Variants in DLGAP2 observed in about 807,000 individuals in gnomAD.
DLGAP2 encodes DLG associated protein 2.
DLGAP2 carries 26 observed loss-of-function variants against 100.3 expected under a neutral mutation model. The observed-to-expected ratio is 0.26, with a 90% confidence interval of 0.19 to 0.36. DLGAP2 has a LOEUF of 0.36. Ranked by LOEUF, DLGAP2 falls within the 10% of genes least tolerant of loss-of-function variation. DLGAP2 has a pLI of 1.00. For missense variants in DLGAP2, 1,858 were observed against 1,453.2 expected (o/e 1.28, Z -4.53); for synonymous variants, 886 against 630.1 (o/e 1.41, Z -6.08).
intron 2 of DLGAP2, among the ~76,000 whole-genome samples, chr8:980,439 A>G (rs1192356806): frequency 2.0e-5 from 3 of 152,238 alleles, no homozygotes; most frequent in East Asian, 3.9e-4. Flanking sequence ...GCATGTAATC[A>G]GCCACAATTG....
At chr8:1,216,945 T>G (rs28556612) in intron 2 of DLGAP2, among the ~76,000 whole-genome samples, 49,589 of 151,918 alleles carry the variant, frequency 0.33, 8,438 homozygotes, top group South Asian at 0.53. Flanking sequence ...AAGGATGATG[T>G]TGCTGCTTGG....
intron 3 of DLGAP2, among the ~76,000 whole-genome samples, chr8:1,473,328 C>T (rs151146428): frequency 0.011 from 1,640 of 152,284 alleles, 37 homozygotes; most frequent in South Asian, 0.081. Flanking sequence ...AAGGTTCCTC[C>T]GCCCAGCAGA....
chr8:1,345,065 G>GA (rs1193225155), intron 3 of DLGAP2, among the ~76,000 whole-genome samples: 1 of 152,180 alleles, frequency 6.6e-6, no homozygotes, highest in Non-Finnish European at 1.5e-5. Flanking sequence ...TCAGTTATCT[G>GA]GCCCTTTGCA....
chr8:927,005 C>T (rs961839581), intron 2 of DLGAP2: 135 of 984,996 alleles, frequency 1.4e-4, no homozygotes, highest in Admixed American at 1.2e-3. Context: ...GAGGACCCCC[C>T]GCCGAGAAAG....
At chr8:1,408,858 C>A (rs1796648860) in intron 3 of DLGAP2, among the ~76,000 whole-genome samples, 1 of 152,136 alleles carries the variant, frequency 6.6e-6, no homozygotes, top group Non-Finnish European at 1.5e-5. Context: ...GTGCGCAGGG[C>A]ACAGAGAAGA....
At chr8:1,074,614 G>T (rs563050923) in intron 2 of DLGAP2, among the ~76,000 whole-genome samples, 3 of 152,190 alleles carry the variant, frequency 2.0e-5, no homozygotes, top group Non-Finnish European at 4.4e-5. Context: ...ATCAGTAACA[G>T]ACTTGCAAGG....
At chr8:1,602,989 A>G (rs1480237143) in intron 6 of DLGAP2, among the ~76,000 whole-genome samples, 1 of 152,234 alleles carries the variant, frequency 6.6e-6, no homozygotes, top group Non-Finnish European at 1.5e-5. Flanking sequence ...GAGGCTGGAT[A>G]GAGTGGAGGC....
chr8:1,198,681 A>G (rs544651417), intron 2 of DLGAP2, among the ~76,000 whole-genome samples: 3 of 152,082 alleles, frequency 2.0e-5, no homozygotes, highest in Admixed American at 6.5e-5. Context: ...CCCCATGTCC[A>G]TGGGTCAGGC....
At chr8:1,417,339 A>C (rs1269351033) in intron 3 of DLGAP2, among the ~76,000 whole-genome samples, 1 of 151,856 alleles carries the variant, frequency 6.6e-6, no homozygotes, top group Non-Finnish European at 1.5e-5. Flanking sequence ...ATCTCACCGC[A>C]TGTTCATAGA....
chr8:824,440 C>T (rs977561693), intron 1 of DLGAP2, among the ~76,000 whole-genome samples: 1 of 152,142 alleles, frequency 6.6e-6, no homozygotes, highest in Admixed American at 6.5e-5. Flanking sequence ...CCAGGGTTCC[C>T]TGCAGGAAAT....
intron 1 of DLGAP2, among the ~76,000 whole-genome samples, chr8:820,169 G>GA (rs1343968992): frequency 5.9e-5 from 9 of 152,152 alleles, no homozygotes; most frequent in African/African-American, 2.2e-4. Context: ...ATCCATTGGA[G>GA]AAAAAATTCA....
At chr8:1,683,834 C>CTATATATATATGTATATA (rs1554430742) in intron 12 of DLGAP2, among the ~76,000 whole-genome samples, 2 of 56,206 alleles carry the variant, frequency 3.6e-5, no homozygotes, top group African/African-American at 1.9e-4. Context: ...CTTTGCTCCA[C>CTATATATATATGTATATA]TATATATATA....
intron 3 of DLGAP2, among the ~76,000 whole-genome samples, chr8:1,274,842 A>G (rs1278153345): frequency 6.6e-6 from 1 of 151,828 alleles, no homozygotes; most frequent in Non-Finnish European, 1.5e-5. Flanking sequence ...CTCTTAACTC[A>G]TCAACTTAAA....
At chr8:1,358,656 A>G (rs990099813) in intron 3 of DLGAP2, among the ~76,000 whole-genome samples, 6 of 152,134 alleles carry the variant, frequency 3.9e-5, no homozygotes, top group African/African-American at 1.2e-4. Flanking sequence ...GGCCGTGGTG[A>G]AGAAGGCTTC....
chr8:1,549,850 A>T (rs769354119), intron 5 of DLGAP2, among the ~76,000 whole-genome samples, 167 bp downstream of exon 5: 20 of 152,254 alleles, frequency 1.3e-4, no homozygotes, highest in Non-Finnish European at 2.4e-4. Flanking sequence ...CTGTTAACAC[A>T]CGCATTACCT....
intron 1 of DLGAP2, among the ~76,000 whole-genome samples, chr8:829,714 T>G (rs2055516): frequency 0.27 from 41,577 of 152,108 alleles, 6,361 homozygotes; most frequent in African/African-American, 0.4. Flanking sequence ...TGGTTGTTAT[T>G]GACATTTTGG....
At chr8:807,527 C>T (rs9314630) in intron 1 of DLGAP2, among the ~76,000 whole-genome samples, 4 of 78,570 alleles carry the variant, frequency 5.1e-5, no homozygotes, top group African/African-American at 2.8e-4. Flanking sequence ...GTTCTCTCTC[C>T]TCTTTTTCTT....
rs142504311 is a variant in DLGAP2, at chr8:1,490,719, G to A, written c.107-10647G>A. On this transcript the variant is annotated intron_variant, in intron 3 of 14. Coordinates refer to ENST00000637795, the MANE Select transcript of DLGAP2 (RefSeq NM_001346810.2). ...GGCACTGTCAAATGAACTGACCTGG[G>A]CCCCACACCAGAACAAATGAGCAGA... Among the ~76,000 whole-genome samples the A allele has an allele frequency of 6.6e-5, 10 of 152,270 alleles. No homozygotes were observed. The East Asian group carries it at 1.4e-3, about 21-fold the overall frequency.
At chr8:1,521,789 G>A (rs1309005421) in intron 4 of DLGAP2, among the ~76,000 whole-genome samples, 41 of 135,130 alleles carry the variant, frequency 3.0e-4, no homozygotes, top group African/African-American at 9.6e-4. Flanking sequence ...ATACTCGGGC[G>A]GCAGGTGATA....
Sources: gnomAD v4.1 joint callset for allele counts (sites outside exome capture counted in the v4.1 genomes callset) on GRCh38, gnomAD v4.1.1 for gene constraint, MANE v1.5 for transcripts, NCBI Gene and HGNC (gene_info 2026-07-23, HGNC 2026-07-21) for gene names.